Variants in FMN2 observed in about 807,000 individuals in gnomAD.
FMN2 encodes the protein formin 2.
FMN2 carries 51 observed loss-of-function variants against 142.3 expected under a neutral mutation model. That is an observed-to-expected ratio of 0.36 (90% confidence interval 0.29 to 0.45). The LOEUF is 0.45. Among genes scored for constraint, FMN2 ranks in the 20% least tolerant of loss-of-function variants. The pLI is 1.00. For missense variants in FMN2, 1,936 were observed against 2,122.8 expected, an observed-to-expected ratio of 0.91 and a Z score of 1.73; for synonymous variants, 882 against 869.8, an observed-to-expected ratio of 1.01 and a Z score of -0.25.
intron 2 of FMN2, among the ~76,000 whole-genome samples, chr1:240,128,470 T>C (rs561630635): frequency 6.6e-6 from 1 of 152,308 alleles, no homozygotes; most frequent in South Asian, 2.1e-4. Flanking sequence ...ATCTACTTAA[T>C]CCTTCATGAG....
intron 1 of FMN2, among the ~76,000 whole-genome samples, chr1:240,122,072 A>C (rs1662292898): frequency 6.9e-6 from 1 of 144,488 alleles, no homozygotes; most frequent in African/African-American, 2.6e-5. Flanking sequence ...AAATTAATTA[A>C]TTAATTTATT....
At chr1:240,385,164 T>C (rs532160104) in intron 14 of FMN2, among the ~76,000 whole-genome samples, 1 of 152,334 alleles carries the variant, frequency 6.6e-6, no homozygotes, top group East Asian at 1.9e-4. Context: ...GAAGTTTTTT[T>C]GGCTTTCTTA....
chr1:240,146,425 A>G (rs1305068509), intron 2 of FMN2, among the ~76,000 whole-genome samples: 1 of 147,434 alleles, frequency 6.8e-6, no homozygotes, highest in Non-Finnish European at 1.5e-5. Context: ...TAGTATGGCC[A>G]GGCACAGTGG....
intron 4 of FMN2, among the ~76,000 whole-genome samples, chr1:240,205,552 C>G (rs1278713201): frequency 4.0e-5 from 6 of 151,020 alleles, no homozygotes; most frequent in Admixed American, 4.0e-4. Flanking sequence ...AGCTCCGCCT[C>G]CCAGGTTCAT....
chr1:240,264,706 T>C (rs945520783), intron 7 of FMN2, among the ~76,000 whole-genome samples: 5 of 152,212 alleles, frequency 3.3e-5, no homozygotes, highest in Admixed American at 1.3e-4. Context: ...GCAAATGACA[T>C]GAACTTATTC....
chr1:240,369,522 C>T (rs1672792567), intron 14 of FMN2, among the ~76,000 whole-genome samples: 1 of 152,072 alleles, frequency 6.6e-6, no homozygotes, highest in Non-Finnish European at 1.5e-5. Flanking sequence ...CTCAAGTACA[C>T]CCTTGAAAAG....
At chr1:240,371,120 T>C (rs1672851180) in intron 14 of FMN2, among the ~76,000 whole-genome samples, 1 of 151,972 alleles carries the variant, frequency 6.6e-6, no homozygotes, top group African/African-American at 2.4e-5. Context: ...TTTTTATTTT[T>C]TGTTTTTTGG....
At position 240,460,418 on chromosome 1, in the gene FMN2, G is replaced by A. The variant is rs1025099662; in HGVS notation, c.5061-11954G>A. The stretch of plus-strand genomic sequence containing the variant: ...ACCAGCCTGGGAAACATGGTGAAAC[G>A]CCGTCTCTACTAAAAGTACAAAACT... On this transcript the variant is annotated intron_variant, in intron 16 of 17. Coordinates refer to ENST00000319653, the MANE Select transcript of FMN2 (RefSeq NM_020066.5). Among the ~76,000 whole-genome samples the A allele has an allele frequency of 1.3e-4, 20 of 152,084 alleles. No homozygotes were observed. The East Asian group carries it at 1.4e-3, about 10-fold the overall frequency.
chr1:240,263,547 T>G (rs1668698971), intron 7 of FMN2, among the ~76,000 whole-genome samples: 1 of 152,224 alleles, frequency 6.6e-6, no homozygotes, highest in African/African-American at 2.4e-5. Context: ...AAAGCCCATT[T>G]CAGACATTAG....
chr1:240,350,188 A>T (rs1181406901), intron 13 of FMN2, among the ~76,000 whole-genome samples: 2 of 152,224 alleles, frequency 1.3e-5, no homozygotes, highest in Non-Finnish European at 2.9e-5. Flanking sequence ...TTCTATTTTT[A>T]CATTTATCCA....
chr1:240,297,128 T>C (rs542843940), intron 8 of FMN2, among the ~76,000 whole-genome samples: 3 of 152,256 alleles, frequency 2.0e-5, no homozygotes, highest in African/African-American at 7.2e-5. Context: ...TATCTATCTA[T>C]CTTGCACATA....
In FMN2 at chr1:240,093,087, C is replaced by A; in HGVS notation, c.978C>A (p.Pro326=). The A allele has an allele frequency of 7.2e-7, 1 of 1,394,420 alleles. No individual in the cohort carries two copies. The highest frequency in any genetic ancestry group is 9.2e-7 in the Non-Finnish European group (1 of 1,083,570). 86.4% of individuals were successfully genotyped at this position (1,394,420 alleles called of 1,614,324 possible). Reference sequence around the variant, plus strand: ...CCTCCTCCACGGCTTTCCCATTTCCCGAGGCCGGGCCGGGGGAGGAAGCGG... The same window carrying A: ...CCTCCTCCACGGCTTTCCCATTTCCAGAGGCCGGGCCGGGGGAGGAAGCGG... ...DSPSSTAFPF[P]EAGPGEEAAG... Residue 326 remains proline, a synonymous_variant, in exon 1 of 18, where the codon CCC becomes CCA. Transcript: ENST00000319653.
At chr1:240,254,225 G>A (rs1056351213) in intron 6 of FMN2, among the ~76,000 whole-genome samples, 2 of 152,080 alleles carry the variant, frequency 1.3e-5, no homozygotes, top group African/African-American at 4.8e-5. Context: ...AGTGGTTTGC[G>A]CTGGTGTTGC....
intron 7 of FMN2, among the ~76,000 whole-genome samples, chr1:240,284,800 C>A (rs1572153677): frequency 6.6e-6 from 1 of 152,072 alleles, no homozygotes; most frequent in East Asian, 1.9e-4. Flanking sequence ...GTTCTGTGAA[C>A]AGAAGGATCA....
chr1:240,380,204 C>T (rs961537754), intron 14 of FMN2, among the ~76,000 whole-genome samples: 3 of 152,106 alleles, frequency 2.0e-5, no homozygotes, highest in Non-Finnish European at 2.9e-5. Flanking sequence ...GTCCATGAAA[C>T]ATTTTCCAAA....
intron 3 of FMN2, among the ~76,000 whole-genome samples, chr1:240,187,705 A>G: frequency 6.6e-6 from 1 of 152,228 alleles, no homozygotes; most frequent in East Asian, 1.9e-4. Flanking sequence ...CATGAGGACT[A>G]AAAGAGAAAA....
rs78353439 is a variant in FMN2, at chr1:240,136,423, T to C, written c.1782+13078T>C. Among the ~76,000 whole-genome samples the C allele has an allele frequency of 5.2e-3, 795 of 152,326 alleles. 3 individuals are homozygous for C. The highest frequency in any genetic ancestry group is 0.032 in the South Asian group (153 of 4,828). On this transcript the variant is annotated intron_variant, in intron 2 of 17. Transcript: ENST00000319653. ...TTAATTGAAGCTTAGAAAAATAGAT[T>C]TTTAAAAAACACACTCGTGGCAATC...
chr1:240,358,289 A>T (rs1047730973), intron 14 of FMN2, among the ~76,000 whole-genome samples: 2 of 152,244 alleles, frequency 1.3e-5, no homozygotes, highest in African/African-American at 4.8e-5. Context: ...GATAAAAACA[A>T]CATAAACAAC....
intron 15 of FMN2, among the ~76,000 whole-genome samples, chr1:240,418,417 G>A (rs998239665): frequency 2.5e-4 from 38 of 151,764 alleles, no homozygotes; most frequent in African/African-American, 7.7e-4. Flanking sequence ...GGCTGGTCTC[G>A]AACTCCTGAC....
Sources: gnomAD v4.1 joint callset for allele counts (sites outside exome capture counted in the v4.1 genomes callset) on GRCh38, gnomAD v4.1.1 for gene constraint, MANE v1.5 for transcripts, NCBI Gene and HGNC (gene_info 2026-07-23, HGNC 2026-07-21) for gene names.